The following POU6F2 variants were observed in gnomAD, a reference collection of about 807,000 sequenced individuals.
POU6F2 encodes POU class 6 homeobox 2.
A neutral mutation model predicts 71.3 loss-of-function variants in POU6F2; 31 were observed. The observed-to-expected ratio is 0.43, with a 90% CI of 0.33 to 0.59. POU6F2 has a LOEUF of 0.59. Among genes scored for constraint, POU6F2 ranks in the 20% least tolerant of loss-of-function variants. The pLI is 0.04. For missense variants in POU6F2, 783 were observed against 856.8 expected (o/e 0.91, Z 1.07); for synonymous variants, 347 against 355.7 (o/e 0.98, Z 0.27).
intron 2 of POU6F2, among the ~76,000 whole-genome samples, chr7:39,156,364 A>G (rs1329687427): frequency 6.6e-6 from 1 of 152,138 alleles, no homozygotes; most frequent in Non-Finnish European, 1.5e-5. Flanking sequence ...ATATTTTGCA[A>G]TTTCACATGT....
At chr7:38,986,884 A>T (rs976721116) in intron 1 of POU6F2, among the ~76,000 whole-genome samples, 2 of 152,150 alleles carry the variant, frequency 1.3e-5, no homozygotes, top group Non-Finnish European at 2.9e-5. Context: ...ACTTACTTTT[A>T]CATATAAAAA....
chr7:39,258,679 TTGGATTTTTAC>T (rs1248885090), intron 4 of POU6F2, among the ~76,000 whole-genome samples: 1 of 150,494 alleles, frequency 6.6e-6, no homozygotes, highest in Non-Finnish European at 1.5e-5. Flanking sequence ...TGTCTGCTTT[TTGGATTTTTAC>T]TCTAGATGTT....
chr7:39,025,834 T>G (rs1268959284), intron 1 of POU6F2, among the ~76,000 whole-genome samples: 1 of 151,330 alleles, frequency 6.6e-6, no homozygotes, highest in East Asian at 2.0e-4. Context: ...GGGAGAAAAT[T>G]TTCGCAACCT....
At chr7:39,225,562 A>G (rs556176966) in intron 4 of POU6F2, among the ~76,000 whole-genome samples, 2 of 152,176 alleles carry the variant, frequency 1.3e-5, no homozygotes, top group Admixed American at 6.5e-5. Flanking sequence ...AGAATTCTCA[A>G]TGTACTGGGG....
chr7:39,379,699 T>A (rs1188368840), intron 5 of POU6F2, among the ~76,000 whole-genome samples: 1 of 151,974 alleles, frequency 6.6e-6, no homozygotes, highest in African/African-American at 2.4e-5. Flanking sequence ...TAAAAAAAAA[T>A]TTTAAACACA....
chr7:39,206,418 C>G (rs1445746526), intron 3 of POU6F2, among the ~76,000 whole-genome samples: 1 of 152,174 alleles, frequency 6.6e-6, no homozygotes, highest in East Asian at 1.9e-4. Context: ...TGTATAATAT[C>G]ATTTTAATTG....
At chr7:39,423,972 T>C (rs1313731967) in intron 6 of POU6F2, among the ~76,000 whole-genome samples, 1 of 152,202 alleles carries the variant, frequency 6.6e-6, no homozygotes, top group East Asian at 1.9e-4. Context: ...CTGGATGGCT[T>C]ACAAACAACA....
chr7:39,089,996 G>A (rs533070913), intron 2 of POU6F2, among the ~76,000 whole-genome samples: 1 of 152,046 alleles, frequency 6.6e-6, no homozygotes, highest in African/African-American at 2.4e-5. Flanking sequence ...TGGGCACACA[G>A]CTAAGAGCCT....
intron 9 of POU6F2, among the ~76,000 whole-genome samples, chr7:39,462,232 T>C (rs1381672476): frequency 6.6e-6 from 1 of 152,182 alleles, no homozygotes; most frequent in Non-Finnish European, 1.5e-5. Flanking sequence ...TGTGGAGACT[T>C]TGGGAATTTC....
At chr7:39,384,802 C>G (rs1464350883) in intron 5 of POU6F2, among the ~76,000 whole-genome samples, 1 of 152,176 alleles carries the variant, frequency 6.6e-6, no homozygotes, top group East Asian at 1.9e-4. Flanking sequence ...TGTGGTTTAT[C>G]CATTTGCTAT....
At chr7:39,276,203 A>G (rs1474661564) in intron 4 of POU6F2, among the ~76,000 whole-genome samples, 1 of 151,160 alleles carries the variant, frequency 6.6e-6, no homozygotes, top group Non-Finnish European at 1.5e-5. Flanking sequence ...ACAAATTTAC[A>G]AGAAAAAAAC....
At chr7:39,385,724 C>T (rs60586729) in intron 5 of POU6F2, among the ~76,000 whole-genome samples, 80,319 of 151,874 alleles carry the variant, frequency 0.53, 21,608 homozygotes, top group East Asian at 0.75. Context: ...TCCAGCTGTC[C>T]GGGAGTGCTC....
At position 38,977,970 on chromosome 7, in the gene POU6F2, C is replaced by T. The variant is rs946823761; in HGVS notation, c.17C>T (p.Pro6Leu). 6.6e-6 allele frequency: 1 copy of T among 152,110 alleles called. No individual in the cohort carries two copies. Among genetic ancestry groups the T allele is most frequent in the African/African-American group, 2.4e-5 (1 of 41,394 alleles). 9.4% of individuals were successfully genotyped at this position (152,110 alleles called of 1,614,324 possible). Reference protein sequence around the residue: MHARNPHSPFQRQHMM... With the variant: MHARNLHSPFQRQHMM... ...GATTGACAGATGCATGCCAGAAACC[C>T]CCATTCTCCTTTTCAAAGACAACAT... Residue 6 changes from proline to leucine, a missense_variant, in exon 1 of 10, where the codon CCC (proline) becomes CTC (leucine). Coordinates refer to ENST00000518318, the MANE Select transcript of POU6F2 (RefSeq NM_001370959.1).
chr7:39,316,243 C>T (rs1370536875), intron 4 of POU6F2, among the ~76,000 whole-genome samples: 1 of 152,138 alleles, frequency 6.6e-6, no homozygotes, highest in East Asian at 1.9e-4. Flanking sequence ...TTTGGGTCAC[C>T]GGGCTGACAG....
At chr7:39,159,988 C>T (rs1792959220) in intron 2 of POU6F2, among the ~76,000 whole-genome samples, 1 of 152,128 alleles carries the variant, frequency 6.6e-6, no homozygotes, top group African/African-American at 2.4e-5. Context: ...GAGATTCTGA[C>T]ATAACATGAG....
At chr7:39,329,618 G>A (rs1562792248) in intron 4 of POU6F2, among the ~76,000 whole-genome samples, 1 of 152,104 alleles carries the variant, frequency 6.6e-6, no homozygotes, top group Admixed American at 6.5e-5. Context: ...GGGAATAGAG[G>A]GACTCTGTGA....
intron 4 of POU6F2, among the ~76,000 whole-genome samples, chr7:39,315,289 G>C (rs540001022): frequency 1.3e-5 from 2 of 152,042 alleles, no homozygotes; most frequent in African/African-American, 4.8e-5. Flanking sequence ...ATCCATACTC[G>C]AGGGTCACTG....
At chr7:39,109,166 C>T (rs550157686) in intron 2 of POU6F2, among the ~76,000 whole-genome samples, 1 of 152,144 alleles carries the variant, frequency 6.6e-6, no homozygotes, top group African/African-American at 2.4e-5. Flanking sequence ...CTGTCTCAGC[C>T]TCCTGAGTAG....
At chr7:39,343,923 G>T (rs1388520500) in intron 5 of POU6F2, among the ~76,000 whole-genome samples, 1 of 152,168 alleles carries the variant, frequency 6.6e-6, no homozygotes, top group Admixed American at 6.5e-5. Flanking sequence ...ACTCAGCTGG[G>T]TGGCAGAGTG....
Sources: allele counts gnomAD v4.1 joint callset (sites outside exome capture counted in the v4.1 genomes callset), GRCh38; gene constraint gnomAD v4.1.1; transcripts MANE v1.5; gene names NCBI Gene and HGNC (gene_info 2026-07-23, HGNC 2026-07-21).